ARHGEF10L: variants seen among roughly 807,000 people sequenced by gnomAD.
The protein encoded by ARHGEF10L is rho guanine nucleotide exchange factor 10-like protein.
A neutral mutation model predicts 141.2 loss-of-function variants in ARHGEF10L; 69 were observed. The ratio of observed to expected loss-of-function variants is 0.49; its 90% CI spans 0.40 to 0.60. ARHGEF10L has a LOEUF of 0.60. ARHGEF10L is among the 20% of genes least tolerant of loss of function. The pLI is 0.00. For missense variants in ARHGEF10L, 1,482 were observed against 1,734.3 expected, an observed-to-expected ratio of 0.85 and a Z score of 2.58; for synonymous variants, 711 against 718.5, an observed-to-expected ratio of 0.99 and a Z score of 0.17.
intron 4 of ARHGEF10L, among the ~76,000 whole-genome samples, chr1:17,600,669 G>A (rs1006862531): frequency 2.6e-5 from 4 of 152,196 alleles, no homozygotes; most frequent in East Asian, 1.9e-4. Context: ...GGGATCCCAC[G>A]TTGCGCTTAA....
intron 1 of ARHGEF10L, among the ~76,000 whole-genome samples, chr1:17,574,028 C>A (rs2246391): frequency 6.6e-6 from 1 of 152,114 alleles, no homozygotes; most frequent in East Asian, 1.9e-4. Context: ...TCCATCAGGT[C>A]GGTGAGGGAG....
intron 1 of ARHGEF10L, among the ~76,000 whole-genome samples, chr1:17,544,795 T>C (rs1159220880): frequency 6.6e-6 from 1 of 152,104 alleles, no homozygotes; most frequent in African/African-American, 2.4e-5. Context: ...AAAAAGAGAT[T>C]TAATGGACTC....
At chr1:17,556,231 G>T (rs1427000457) in intron 1 of ARHGEF10L, among the ~76,000 whole-genome samples, 3 of 133,238 alleles carry the variant, frequency 2.3e-5, no homozygotes, top group African/African-American at 8.5e-5. Flanking sequence ...GAGCACGGAG[G>T]TGAGCCTGGG....
intron 1 of ARHGEF10L, among the ~76,000 whole-genome samples, chr1:17,546,369 T>A (rs898021666): frequency 6.6e-6 from 1 of 152,248 alleles, no homozygotes; most frequent in East Asian, 1.9e-4. Flanking sequence ...TGAGAACTTG[T>A]TTGCTTAAAG....
chr1:17,689,659 A>G (rs1442692663), intron 27 of ARHGEF10L: 1 of 361,032 alleles, frequency 2.8e-6, no homozygotes. Context: ...GTATTTAGCC[A>G]TTATACAGGT....
rs139294806 is a variant in ARHGEF10L at position 17,594,631 on chromosome 1, C to T, written c.257+6152C>T. The stretch of plus-strand genomic sequence containing the variant: ...CCGAGTAGCTGGGATTACAGGCACC[C>T]GCCACCATGCCCGGCTAATTTTTTT... On this transcript the variant is annotated intron_variant, in intron 4 of 28. Transcript: ENST00000361221. 6.0e-3 allele frequency among the ~76,000 whole-genome samples: 915 copies of T among 152,254 alleles called. 8 individuals carry two copies. Among genetic ancestry groups the T allele is most frequent in the African/African-American group, 0.02 (843 of 41,536 alleles).
intron 8 of ARHGEF10L, among the ~76,000 whole-genome samples, chr1:17,614,566 A>C (rs2059706362): frequency 6.6e-6 from 1 of 152,150 alleles, no homozygotes; most frequent in Non-Finnish European, 1.5e-5. Flanking sequence ...TGGATTCTGG[A>C]ACAGAGGTTT....
intron 21 of ARHGEF10L, 100 bp downstream of exon 21, chr1:17,640,402 G>A: frequency 1.0e-6 from 1 of 1,002,604 alleles, no homozygotes; most frequent in Non-Finnish European, 1.5e-6. Flanking sequence ...GGGTCAGCGG[G>A]GGGCAGGGAG....
chr1:17,551,996 G>C (rs1001611829), intron 1 of ARHGEF10L, among the ~76,000 whole-genome samples: 12 of 152,194 alleles, frequency 7.9e-5, no homozygotes, highest in Non-Finnish European at 1.5e-5. Flanking sequence ...GGCAGGAGGA[G>C]CTGGGCTGCT....
At chr1:17,662,013 G>A (rs1445817682) in intron 25 of ARHGEF10L, among the ~76,000 whole-genome samples, 2 of 152,216 alleles carry the variant, frequency 1.3e-5, no homozygotes, top group Non-Finnish European at 2.9e-5. Flanking sequence ...TCCATGGGTC[G>A]CCGTTGTCAC....
chr1:17,686,108 T>TTCTTTCTTTCTTTCTTTCTTTC (rs1400506757), intron 26 of ARHGEF10L, among the ~76,000 whole-genome samples: 25 of 150,568 alleles, frequency 1.7e-4, no homozygotes, highest in African/African-American at 5.4e-4. Context: ...CTTTCTTTCT[T>TTCTTTCTTTCTTTCTTTCTTTC]TTTTTTTTGC....
chr1:17,652,560 C>A (rs1023597003), intron 22 of ARHGEF10L, among the ~76,000 whole-genome samples: 1 of 152,164 alleles, frequency 6.6e-6, no homozygotes, highest in African/African-American at 2.4e-5. Flanking sequence ...CCTGAGGACA[C>A]CCTGGTCCCC....
intron 25 of ARHGEF10L, among the ~76,000 whole-genome samples, chr1:17,658,971 G>A (rs1490832066): frequency 6.6e-6 from 1 of 152,196 alleles, no homozygotes; most frequent in African/African-American, 2.4e-5. Flanking sequence ...GCTTGATTTG[G>A]TGGGGGAACC....
the ARHGEF10L span, among the ~76,000 whole-genome samples, chr1:17,517,952 A>G: frequency 6.6e-6 from 1 of 152,262 alleles, no homozygotes; most frequent in South Asian, 2.1e-4. Context: ...CGTGAGCCAC[A>G]GCGCCTGGCC....
Position 17,644,757 on chromosome 1 carries a change from G to T in ARHGEF10L, c.2273-3797G>T, listed in dbSNP as rs536186206. ...GCTGGAGAAGCAGGGCTGGGCCCGC[G>T]GTGGGCTCAGCTGCCCTCAGTAATA... On this transcript the variant is annotated intron_variant, in intron 21 of 28. Transcript: ENST00000361221. The surrounding 1 kb of genome is among the most constrained non-coding windows in gnomAD (Gnocchi z 4.5). 6.6e-6 allele frequency among the ~76,000 whole-genome samples: 1 copy of T among 152,206 alleles called. No homozygotes were observed. Among genetic ancestry groups the T allele is most frequent in the African/African-American group, 2.4e-5 (1 of 41,450 alleles).
intron 4 of ARHGEF10L, among the ~76,000 whole-genome samples, chr1:17,593,221 T>G (rs2079741107): frequency 6.6e-6 from 1 of 152,208 alleles, no homozygotes; most frequent in African/African-American, 2.4e-5. Flanking sequence ...TTTATCCCAG[T>G]GCCTGGCAGA....
chr1:17,617,697 A>G (rs1207153664), intron 9 of ARHGEF10L, among the ~76,000 whole-genome samples: 1 of 152,212 alleles, frequency 6.6e-6, no homozygotes, highest in Non-Finnish European at 1.5e-5. Flanking sequence ...GTGTCATCCT[A>G]GAAAATTCTG....
intron 4 of ARHGEF10L, among the ~76,000 whole-genome samples, chr1:17,590,636 G>C (rs1156805979): frequency 6.6e-6 from 1 of 152,152 alleles, no homozygotes; most frequent in Non-Finnish European, 1.5e-5. Context: ...CTTGGTGAAC[G>C]AATGATGGAC....
chr1:17,581,328 A>AAAAAG (rs1203476956), intron 2 of ARHGEF10L, among the ~76,000 whole-genome samples: 3 of 151,110 alleles, frequency 2.0e-5, no homozygotes, highest in African/African-American at 7.3e-5. Context: ...AAAAAAAAAA[A>AAAAAG]AAAAGAAAAG....
Sources: allele counts gnomAD v4.1 joint callset (sites outside exome capture counted in the v4.1 genomes callset), GRCh38; gene constraint gnomAD v4.1.1; non-coding constraint Gnocchi (gnomAD v3.1); transcripts MANE v1.5; gene names NCBI Gene and HGNC (gene_info 2026-07-23, HGNC 2026-07-21).